The following TENM3 variants were observed in gnomAD, a reference collection of about 807,000 sequenced individuals.
TENM3 encodes teneurin-3.
Under a neutral mutation model 255.1 loss-of-function variants are expected in TENM3, and 63 were observed. That is an observed-to-expected ratio of 0.25 (90% CI 0.20 to 0.30). TENM3 has a LOEUF of 0.30. Among genes scored for constraint, TENM3 ranks in the 10% least tolerant of loss-of-function variants. The pLI is 1.00. For missense variants in TENM3, 2,929 were observed against 3,461.1 expected, an observed-to-expected ratio of 0.85 and a Z score of 3.86; for synonymous variants, 1,306 against 1,322.3, an observed-to-expected ratio of 0.99 and a Z score of 0.27.
intron 3 of TENM3, among the ~76,000 whole-genome samples, chr4:182,435,804 A>G (rs926759233): frequency 6.6e-6 from 1 of 152,230 alleles, no homozygotes; most frequent in African/African-American, 2.4e-5. Context: ...CTATTTTCTC[A>G]TGAGATTAAA....
At chr4:182,528,770 G>A (rs1450152327) in intron 3 of TENM3, among the ~76,000 whole-genome samples, 1 of 152,154 alleles carries the variant, frequency 6.6e-6, no homozygotes, top group Non-Finnish European at 1.5e-5. Flanking sequence ...CACATAAGAG[G>A]CACTAACAGT....
the TENM3 span, among the ~76,000 whole-genome samples, chr4:181,899,536 G>A: frequency 0.081 from 12,254 of 151,744 alleles, 605 homozygotes; most frequent in East Asian, 0.2. Flanking sequence ...TTGTTGTTTT[G>A]TTGTTTTGTT....
chr4:182,556,026 C>T (rs1436121463), intron 3 of TENM3, among the ~76,000 whole-genome samples: 2 of 152,038 alleles, frequency 1.3e-5, no homozygotes, highest in Non-Finnish European at 2.9e-5. Context: ...TTTCTCTGAC[C>T]AAATATGCCA....
At chr4:181,800,524 T>G in the TENM3 span, among the ~76,000 whole-genome samples, 1 of 152,050 alleles carries the variant, frequency 6.6e-6, no homozygotes, top group African/African-American at 2.4e-5. Flanking sequence ...TCCCAGCTAC[T>G]CAGGAGGCTG....
intron 3 of TENM3, among the ~76,000 whole-genome samples, chr4:182,581,642 C>G (rs770153957): frequency 6.6e-6 from 1 of 152,020 alleles, no homozygotes; most frequent in Non-Finnish European, 1.5e-5. Flanking sequence ...GAGGCTGAGG[C>G]GGGAGAATCT....
chr4:181,645,202 T>A, the TENM3 span, among the ~76,000 whole-genome samples: 1 of 152,190 alleles, frequency 6.6e-6, no homozygotes, highest in Admixed American at 6.5e-5. Context: ...GGAGAGGATG[T>A]TAGAAGCTTT....
the TENM3 span, among the ~76,000 whole-genome samples, chr4:181,537,149 G>A: frequency 3.9e-5 from 6 of 152,000 alleles, no homozygotes; most frequent in African/African-American, 1.2e-4. Context: ...GACCTTTTCC[G>A]AAATACTGAG....
the TENM3 span, among the ~76,000 whole-genome samples, chr4:182,110,701 G>A: frequency 6.6e-6 from 1 of 152,084 alleles, no homozygotes; most frequent in Non-Finnish European, 1.5e-5. Flanking sequence ...AGAGGTTGAT[G>A]GTAAACATAA....
intron 5 of TENM3, among the ~76,000 whole-genome samples, chr4:182,647,843 G>A (rs1184148159): frequency 6.6e-6 from 1 of 152,086 alleles, no homozygotes; most frequent in Non-Finnish European, 1.5e-5. Flanking sequence ...TGCAATCCTA[G>A]CCAACAGCAC....
At chr4:182,640,095 A>G (rs1009864096) in intron 5 of TENM3, among the ~76,000 whole-genome samples, 2 of 152,200 alleles carry the variant, frequency 1.3e-5, no homozygotes, top group Non-Finnish European at 2.9e-5. Flanking sequence ...TCTCAAAAAT[A>G]CGTAAATAAG....
At chr4:181,605,585 G>A in the TENM3 span, among the ~76,000 whole-genome samples, 1,302 of 5,502 alleles carry the variant, frequency 0.24, 161 homozygotes, top group South Asian at 0.4. Context: ...AGAAAGAAAG[G>A]AAAGAAAGAA....
the TENM3 span, among the ~76,000 whole-genome samples, chr4:182,096,360 A>G: frequency 2.6e-5 from 4 of 152,176 alleles, no homozygotes; most frequent in African/African-American, 9.7e-5. Context: ...TATCTATTTC[A>G]GAAGATAGGA....
chr4:181,605,584 G>GAAAGAAA, the TENM3 span, among the ~76,000 whole-genome samples: 37 of 69,186 alleles, frequency 5.3e-4, 3 homozygotes, highest in African/African-American at 6.3e-4. Context: ...GAGAAAGAAA[G>GAAAGAAA]GAAAGAAAGA....
At chr4:182,040,034 G>A in the TENM3 span, among the ~76,000 whole-genome samples, 1 of 18,222 alleles carries the variant, frequency 5.5e-5, no homozygotes, top group Non-Finnish European at 9.3e-5. Context: ...CAGGGGAGGG[G>A]AGGGCAGAAG....
At chr4:182,549,958 A>G (rs1027649370) in intron 3 of TENM3, among the ~76,000 whole-genome samples, 4 of 152,242 alleles carry the variant, frequency 2.6e-5, no homozygotes, top group Non-Finnish European at 5.9e-5. Context: ...TGGTTTTTTC[A>G]TACGTAATGG....
chr4:181,634,384 C>CTTTTTTTTTTTTTTTTTTTTATTT, the TENM3 span, among the ~76,000 whole-genome samples: 1 of 123,086 alleles, frequency 8.1e-6, no homozygotes. Context: ...TTTTTTAATT[C>CTTTTTTTTTTTTTTTTTTTTATTT]TTTTTTTTTT....
chr4:182,045,820 G>A, the TENM3 span, among the ~76,000 whole-genome samples: 6 of 152,208 alleles, frequency 3.9e-5, no homozygotes, highest in Non-Finnish European at 5.9e-5. Flanking sequence ...AAGCATAGGT[G>A]AGACAATCGC....
At chr4:181,715,041 A>C in the TENM3 span, among the ~76,000 whole-genome samples, 1 of 152,210 alleles carries the variant, frequency 6.6e-6, no homozygotes, top group Non-Finnish European at 1.5e-5. Context: ...TTCCAGTGGG[A>C]AAAAGAACTG....
the TENM3 span, among the ~76,000 whole-genome samples, chr4:181,907,845 G>A: frequency 2.6e-5 from 4 of 152,066 alleles, no homozygotes; most frequent in Non-Finnish European, 5.9e-5. Flanking sequence ...AGATTCAGAC[G>A]AAACAATGAA....
Sources: allele counts gnomAD v4.1 joint callset (sites outside exome capture counted in the v4.1 genomes callset), GRCh38; gene constraint gnomAD v4.1.1; transcripts MANE v1.5; gene names NCBI Gene and HGNC (gene_info 2026-07-23, HGNC 2026-07-21).